The following DPYSL3 variants were observed in gnomAD, a reference collection of about 807,000 sequenced individuals.
DPYSL3 encodes dihydropyrimidinase-related protein 3.
DPYSL3 carries 16 observed loss-of-function variants against 66.1 expected under a neutral mutation model. That is an observed-to-expected ratio of 0.24 (90% CI 0.16 to 0.37). The LOEUF (loss-of-function observed/expected upper bound fraction) is 0.37. Among genes scored for constraint, DPYSL3 ranks in the 10% least tolerant of loss-of-function variants. The pLI, the probability that DPYSL3 is intolerant of heterozygous loss-of-function variation, is 1.00. For synonymous variants in DPYSL3, 338 were observed against 345.1 expected (o/e 0.98, Z 0.23); for missense variants, 738 against 916.2 (o/e 0.81, Z 2.51).
intron 11 of DPYSL3, 40 bp from the exon 12 acceptor site, chr5:147,397,885 G>GAAAGAGT: frequency 1.7e-6 from 1 of 580,706 alleles, no homozygotes; most frequent in South Asian, 3.7e-5. Flanking sequence ...AGTAAGGGTA[G>GAAAGAGT]AGAAAGAGGA....
At chr5:147,501,208 T>G (rs1753602225) in intron 1 of DPYSL3, among the ~76,000 whole-genome samples, 1 of 152,164 alleles carries the variant, frequency 6.6e-6, no homozygotes, top group African/African-American at 2.4e-5. Context: ...GAAGCCAATC[T>G]GAAAAGTCTA....
chr5:147,400,609 C>T, intron 10 of DPYSL3, 83 bp downstream of exon 10: 1 of 1,546,844 alleles, frequency 6.5e-7, no homozygotes, highest in Non-Finnish European at 8.8e-7. Flanking sequence ...GCAGTGTCAC[C>T]AGCCCAACTG....
chr5:147,413,275 G>A (rs2152020961), intron 5 of DPYSL3, among the ~76,000 whole-genome samples: 2 of 152,304 alleles, frequency 1.3e-5, no homozygotes, highest in South Asian at 4.2e-4. Flanking sequence ...TGGTCCTGCA[G>A]GCGAAGAGCC....
At chr5:147,448,174 G>C (rs56269143) in intron 1 of DPYSL3, among the ~76,000 whole-genome samples, 5 of 151,628 alleles carry the variant, frequency 3.3e-5, no homozygotes, top group Non-Finnish European at 7.4e-5. Flanking sequence ...ACTAAAAAAC[G>C]AGTTATGAAG....
intron 2 of DPYSL3, among the ~76,000 whole-genome samples, chr5:147,419,850 T>A (rs905255048): frequency 6.6e-6 from 1 of 152,164 alleles, no homozygotes; most frequent in African/African-American, 2.4e-5. Context: ...CAGCCTCTGA[T>A]CCTAAGTCCA....
chr5:147,425,077 A>G (rs1752170268), intron 1 of DPYSL3, 114 bp from the exon 2 acceptor site: 2 of 731,362 alleles, frequency 2.7e-6, no homozygotes, highest in Admixed American at 2.6e-5. Flanking sequence ...CACATTTACC[A>G]AAGACATATG....
chr5:147,398,305 A>G (rs1429159673), intron 11 of DPYSL3, among the ~76,000 whole-genome samples: 2 of 152,204 alleles, frequency 1.3e-5, no homozygotes, highest in African/African-American at 4.8e-5. Context: ...AATCAGCAAG[A>G]GGCATTACTG....
At chr5:147,427,393 T>C (rs368740435) in intron 1 of DPYSL3, among the ~76,000 whole-genome samples, 1 of 152,314 alleles carries the variant, frequency 6.6e-6, no homozygotes, top group East Asian at 1.9e-4. Flanking sequence ...TCCATATTGG[T>C]TGAATGAATA....
intron 8 of DPYSL3, chr5:147,401,934 T>G (rs1758194014): frequency 2.5e-6 from 1 of 399,184 alleles, no homozygotes; most frequent in Non-Finnish European, 4.3e-6. Context: ...GTGTTAATTC[T>G]CAAATTTTGA....
intron 1 of DPYSL3, among the ~76,000 whole-genome samples, chr5:147,482,525 C>G (rs1431511239): frequency 6.6e-6 from 1 of 152,134 alleles, no homozygotes; most frequent in Non-Finnish European, 1.5e-5. Context: ...AATTTTAGAG[C>G]CAGAATGGCC....
intron 1 of DPYSL3, among the ~76,000 whole-genome samples, chr5:147,428,099 C>G (rs1752230950): frequency 6.6e-6 from 1 of 152,120 alleles, no homozygotes; most frequent in African/African-American, 2.4e-5. Flanking sequence ...GGAATTAACA[C>G]CATTGAGATG....
chr5:147,433,369 A>C (rs1388587856), intron 1 of DPYSL3, among the ~76,000 whole-genome samples: 1 of 152,148 alleles, frequency 6.6e-6, no homozygotes, highest in Non-Finnish European at 1.5e-5. Context: ...CTTATCAGAA[A>C]ACAGGAAACC....
At position 147,509,585 on chromosome 5, in the gene DPYSL3, G is replaced by C. The variant is rs1363876493; in HGVS notation, c.274C>G (p.Arg92Gly). 6.5e-7 allele frequency: 1 copy of C among 1,535,362 alleles called. No homozygotes were observed. The highest frequency in any genetic ancestry group is 8.7e-7 in the Non-Finnish European group (1 of 1,146,628). ...EGDTPRRGQG[R>G]EESREPAPAS... Reference sequence around the variant, plus strand: ...GGCGCGGGCTCCCTGCTCTCTTCCCGGCCTTGGCCCCTGCGCGGGGTGTCC... The same window carrying C: ...GGCGCGGGCTCCCTGCTCTCTTCCCCGCCTTGGCCCCTGCGCGGGGTGTCC... The change falls in exon 1 of 14, where the codon CGG becomes GGG. Residue 92 changes from arginine (R) to glycine (G), a missense_variant. By Grantham distance (125) the Arg-to-Gly change is moderately radical (BLOSUM62 -2). Coordinates refer to ENST00000343218, the MANE Select transcript of DPYSL3 (RefSeq NM_001197294.2). The surrounding 1 kb of genome is among the most constrained non-coding windows in gnomAD (Gnocchi z 5.3).
At chr5:147,486,078 G>A (rs1006715410) in intron 1 of DPYSL3, among the ~76,000 whole-genome samples, 4 of 152,098 alleles carry the variant, frequency 2.6e-5, no homozygotes, top group Non-Finnish European at 4.4e-5. Flanking sequence ...AAAACTATGC[G>A]AAGTGAAAGA....
chr5:147,403,835 TACC>T (rs1229355228), intron 8 of DPYSL3, among the ~76,000 whole-genome samples: 1 of 152,154 alleles, frequency 6.6e-6, no homozygotes, highest in East Asian at 1.9e-4. Flanking sequence ...CCTGAAATAA[TACC>T]CCCATTCCAC....
chr5:147,453,567 C>T, intron 1 of DPYSL3: 2 of 1,540,306 alleles, frequency 1.3e-6, no homozygotes, highest in South Asian at 1.2e-5. Flanking sequence ...GCGGGATGTT[C>T]TTCTTGCCTT....
intron 5 of DPYSL3, 78 bp from the exon 6 acceptor site, chr5:147,412,766 A>C: frequency 8.0e-7 from 1 of 1,246,592 alleles, no homozygotes; most frequent in Non-Finnish European, 1.2e-6. Flanking sequence ...CCAGAGCCCA[A>C]GCTAAAACAG....
At chr5:147,478,656 G>GC (rs1352018433) in intron 1 of DPYSL3, among the ~76,000 whole-genome samples, 1 of 152,024 alleles carries the variant, frequency 6.6e-6, no homozygotes, top group Non-Finnish European at 1.5e-5. Context: ...GAAATCCTCT[G>GC]CCCCCCACAC....
chr5:147,403,028 A>T (rs1219958069), intron 8 of DPYSL3, among the ~76,000 whole-genome samples: 1 of 152,212 alleles, frequency 6.6e-6, no homozygotes, highest in East Asian at 1.9e-4. Flanking sequence ...CCAGGATCAC[A>T]AATAGATTTT....
Sources: allele counts gnomAD v4.1 joint callset (sites outside exome capture counted in the v4.1 genomes callset), GRCh38; gene constraint gnomAD v4.1.1; non-coding constraint Gnocchi (gnomAD v3.1); transcripts MANE v1.5; gene names NCBI Gene and HGNC (gene_info 2026-07-23, HGNC 2026-07-21).